Variants in RBM19 observed in about 807,000 individuals in gnomAD.
The protein encoded by RBM19 is RNA binding motif protein 19, also known as probable RNA-binding protein 19.
Under a neutral mutation model 116.8 loss-of-function variants are expected in RBM19, and 94 were observed. The observed-to-expected ratio is 0.80, with a 90% confidence interval of 0.68 to 0.95. The LOEUF is 0.95. RBM19 is among the 40% of genes least tolerant of loss of function. RBM19 has a pLI of 0.00. For synonymous variants in RBM19, 475 were observed against 494.1 expected, an observed-to-expected ratio of 0.96 and a Z score of 0.51; for missense variants, 1,161 against 1,220.7, an observed-to-expected ratio of 0.95 and a Z score of 0.73.
At chr12:113,933,226 T>C (rs1288241219) in intron 16 of RBM19, among the ~76,000 whole-genome samples, 1 of 151,954 alleles carries the variant, frequency 6.6e-6, no homozygotes, top group Non-Finnish European at 1.5e-5. Flanking sequence ...CCTACTCTTC[T>C]TCCTTGGGAG....
At chr12:113,867,172 G>A (rs1878875905) in intron 21 of RBM19, among the ~76,000 whole-genome samples, 1 of 152,148 alleles carries the variant, frequency 6.6e-6, no homozygotes, top group African/African-American at 2.4e-5. Context: ...AGCTCCTTGG[G>A]GACAGAGAGG....
intron 16 of RBM19, chr12:113,932,677 G>C (rs1006296888): frequency 6.6e-6 from 1 of 152,272 alleles, no homozygotes; most frequent in Non-Finnish European, 1.5e-5. Flanking sequence ...AAGCACTTCT[G>C]CTGCTGGCCC....
At chr12:113,877,687 A>C (rs1879770322) in intron 21 of RBM19, among the ~76,000 whole-genome samples, 1 of 152,232 alleles carries the variant, frequency 6.6e-6, no homozygotes, top group Non-Finnish European at 1.5e-5. Context: ...AGAGAAATGC[A>C]AAAGGACAGT....
chr12:113,960,383 G>T (rs1008396833), intron 2 of RBM19, among the ~76,000 whole-genome samples: 1 of 152,184 alleles, frequency 6.6e-6, no homozygotes, highest in Non-Finnish European at 1.5e-5. Flanking sequence ...ATCATTATGA[G>T]TCTGTAATAC....
intron 16 of RBM19, among the ~76,000 whole-genome samples, chr12:113,931,221 G>T (rs1869568943): frequency 6.6e-6 from 1 of 152,110 alleles, no homozygotes; most frequent in African/African-American, 2.4e-5. Context: ...CAAAGTGCAG[G>T]TGTATACAGA....
intron 21 of RBM19, among the ~76,000 whole-genome samples, chr12:113,874,584 C>CAGGT (rs1879524960): frequency 6.6e-6 from 1 of 152,220 alleles, no homozygotes; most frequent in Non-Finnish European, 1.5e-5. Context: ...CTGTGCCCCA[C>CAGGT]CCTGGGGACA....
At chr12:113,958,892 T>C (rs3825211) in intron 5 of RBM19, among the ~76,000 whole-genome samples, 6,354 of 152,310 alleles carry the variant, frequency 0.042, 331 homozygotes, top group Admixed American at 0.15. Context: ...ACTTATTTGC[T>C]TATTGTTTCT....
chr12:113,943,393 A>AGCCCCTCAGT (rs1185553173), intron 13 of RBM19, among the ~76,000 whole-genome samples: 2 of 152,090 alleles, frequency 1.3e-5, no homozygotes, highest in East Asian at 3.9e-4. Flanking sequence ...AGCCCCTCAG[A>AGCCCCTCAGT]GCCCCTCAGT....
chr12:113,949,985 G>T, intron 9 of RBM19, 98 bp downstream of exon 9: 1 of 1,097,830 alleles, frequency 9.1e-7, no homozygotes, highest in Non-Finnish European at 1.4e-6. Context: ...CTGCATTCTT[G>T]GTGGTGGTGA....
chr12:113,946,101 A>G (rs57790830), intron 12 of RBM19, among the ~76,000 whole-genome samples, 177 bp from the exon 13 acceptor site: 25,023 of 152,152 alleles, frequency 0.16, 2,803 homozygotes, highest in African/African-American at 0.32. Flanking sequence ...TGATGACAGG[A>G]ACCATCCCTA....
chr12:113,948,519 G>C (rs1871226217), intron 10 of RBM19, among the ~76,000 whole-genome samples: 1 of 152,198 alleles, frequency 6.6e-6, no homozygotes, highest in Non-Finnish European at 1.5e-5. Flanking sequence ...ACTTTGGACA[G>C]CAAGGGAGTA....
At chr12:113,853,270 T>C (rs1877612490) in intron 22 of RBM19, among the ~76,000 whole-genome samples, 1 of 152,192 alleles carries the variant, frequency 6.6e-6, no homozygotes, top group South Asian at 2.1e-4. Context: ...CTGTGGTTGT[T>C]TACCACAGTG....
At chr12:113,853,062 T>C (rs1877588200) in intron 22 of RBM19, among the ~76,000 whole-genome samples, 1 of 152,224 alleles carries the variant, frequency 6.6e-6, no homozygotes, top group Non-Finnish European at 1.5e-5. Context: ...GGCTAGAATC[T>C]GCCAGGTGAA....
intron 17 of RBM19, 150 bp from the exon 18 acceptor site, chr12:113,924,907 T>A: frequency 1.5e-6 from 1 of 669,904 alleles, no homozygotes; most frequent in Non-Finnish European, 2.7e-6. Flanking sequence ...CTCCTTTAAG[T>A]AACCTGGGCA....
intron 21 of RBM19, among the ~76,000 whole-genome samples, chr12:113,879,332 C>T (rs1380561751): frequency 3.3e-5 from 5 of 151,812 alleles, no homozygotes; most frequent in Non-Finnish European, 4.4e-5. Context: ...TCCCTGGGGT[C>T]ATCTGTACCT....
intron 21 of RBM19, among the ~76,000 whole-genome samples, chr12:113,863,510 C>T (rs544055247): frequency 6.6e-6 from 1 of 152,316 alleles, no homozygotes; most frequent in Non-Finnish European, 1.5e-5. Flanking sequence ...GGGAGTCCTG[C>T]TTAACCCCAC....
intron 10 of RBM19, among the ~76,000 whole-genome samples, chr12:113,948,380 T>C (rs1391330021): frequency 2.6e-5 from 4 of 152,106 alleles, no homozygotes; most frequent in African/African-American, 7.2e-5. Context: ...CACTATCAAA[T>C]CTATTTGGTG....
intron 21 of RBM19, among the ~76,000 whole-genome samples, chr12:113,906,713 C>G (rs1025087463): frequency 1.3e-5 from 2 of 151,968 alleles, no homozygotes; most frequent in African/African-American, 4.8e-5. Flanking sequence ...CAGGTCTCCA[C>G]GCAAATGTCC....
chr12:113,852,359 C>T (rs1470789771), intron 22 of RBM19, among the ~76,000 whole-genome samples: 2 of 152,220 alleles, frequency 1.3e-5, no homozygotes, highest in Non-Finnish European at 2.9e-5. Flanking sequence ...TACATGTGTG[C>T]TGGCTGAGCC....
Sources: gnomAD v4.1 joint callset for allele counts (sites outside exome capture counted in the v4.1 genomes callset) on GRCh38, gnomAD v4.1.1 for gene constraint, MANE v1.5 for transcripts, NCBI Gene and HGNC (gene_info 2026-07-23, HGNC 2026-07-21) for gene names.